The following CSN3 variants were observed in gnomAD, a reference collection of about 807,000 sequenced individuals.
The protein encoded by CSN3 is casein kappa, also known as kappa-casein.
A neutral mutation model predicts 9.9 loss-of-function variants in CSN3; 7 were observed. That is an observed-to-expected ratio of 0.71 (90% CI 0.40 to 1.33). The LOEUF (loss-of-function observed/expected upper bound fraction) is 1.33, where lower values mean the gene tolerates loss of function less well. Among genes scored for constraint, CSN3 ranks in the 40% most tolerant of loss-of-function variants. The pLI is 0.01. For synonymous variants in CSN3, 88 were observed against 82.3 expected (o/e 1.07, Z -0.37); for missense variants, 253 against 227.9 (o/e 1.11, Z -0.71).
At chr4:70,243,283 C>T (rs1250212694) in intron 1 of CSN3, 2 of 333,038 alleles carry the variant, frequency 6.0e-6, no homozygotes, top group East Asian at 1.7e-4. Context: ...TATCATTTTA[C>T]TGTGTGAACT....
At chr4:70,244,687 C>T (rs1182494429) in intron 1 of CSN3, 125 bp from the exon 2 acceptor site, 2 of 427,306 alleles carry the variant, frequency 4.7e-6, no homozygotes, top group Non-Finnish European at 7.8e-6. Context: ...AAATTTTTCA[C>T]ATCGGCTAAA....
intron 2 of CSN3, among the ~76,000 whole-genome samples, chr4:70,247,368 G>A (rs1410102450): frequency 6.6e-6 from 1 of 152,046 alleles, no homozygotes; most frequent in Admixed American, 6.6e-5. Flanking sequence ...TTATGCAAGA[G>A]GCAATATTTT....
chr4:70,240,715 G>A (rs540970920), upstream of CSN3, among the ~76,000 whole-genome samples: 5 of 152,116 alleles, frequency 3.3e-5, no homozygotes, highest in South Asian at 1.0e-3. Context: ...CAGTACTCAA[G>A]TAAATTTTAG....
intron 3 of CSN3, among the ~76,000 whole-genome samples, chr4:70,248,443 C>T (rs1730421040): frequency 6.6e-6 from 1 of 151,948 alleles, no homozygotes; most frequent in Admixed American, 6.6e-5. Flanking sequence ...AAAAAAAATC[C>T]AAAATCTAAA....
At chr4:70,240,195 AAG>A (rs1730243941), upstream of CSN3, among the ~76,000 whole-genome samples, 1 of 152,046 alleles carries the variant, frequency 6.6e-6, no homozygotes, top group African/African-American at 2.4e-5. Flanking sequence ...TTACTAAAAA[AAG>A]AGTGTATATG....
At chr4:70,246,335 C>A (rs1434798268) in intron 2 of CSN3, among the ~76,000 whole-genome samples, 2 of 152,058 alleles carry the variant, frequency 1.3e-5, no homozygotes, top group Non-Finnish European at 2.9e-5. Flanking sequence ...TGTGAAAAAT[C>A]ATTTTAAGGT....
At chr4:70,243,606 C>T (rs1222293727) in intron 1 of CSN3, among the ~76,000 whole-genome samples, 2 of 152,002 alleles carry the variant, frequency 1.3e-5, no homozygotes, top group Non-Finnish European at 2.9e-5. Flanking sequence ...CGAAGTTCAA[C>T]TTTGTAGTGA....
At chr4:70,240,962 A>T (rs1842479), upstream of CSN3, among the ~76,000 whole-genome samples, 100,177 of 151,692 alleles carry the variant, frequency 0.66, 33,608 homozygotes, top group African/African-American at 0.77. Flanking sequence ...GTGGGAGAAA[A>T]GATTACTAGC....
chr4:70,240,113 A>G (rs185107690), upstream of CSN3, among the ~76,000 whole-genome samples: 306 of 152,108 alleles, frequency 2.0e-3, no homozygotes, highest in Non-Finnish European at 2.7e-3. Flanking sequence ...TGTAAATACC[A>G]TCAAGGGAAG....
chr4:70,244,248 C>T (rs1265819467), intron 1 of CSN3, among the ~76,000 whole-genome samples: 2 of 152,066 alleles, frequency 1.3e-5, no homozygotes, highest in Non-Finnish European at 2.9e-5. Flanking sequence ...CTGCTCTAAA[C>T]TTTCCTTCCA....
At chr4:70,243,994 T>C (rs983460155) in intron 1 of CSN3, among the ~76,000 whole-genome samples, 2 of 152,066 alleles carry the variant, frequency 1.3e-5, no homozygotes, top group Admixed American at 1.3e-4. Context: ...CATGGAATTA[T>C]AGAATTTTAG....
At chr4:70,247,927 T>A in intron 3 of CSN3, 77 bp downstream of exon 3, 1 of 1,052,558 alleles carries the variant, frequency 9.5e-7, no homozygotes. Flanking sequence ...GTATTATAGA[T>A]GCCTTCTGTC....
At chr4:70,240,272 T>C (rs1730247497), upstream of CSN3, among the ~76,000 whole-genome samples, 1 of 151,956 alleles carries the variant, frequency 6.6e-6, no homozygotes, top group South Asian at 2.1e-4. Flanking sequence ...AATGTGAACT[T>C]ATGTACCCAC....
upstream of CSN3, among the ~76,000 whole-genome samples, chr4:70,238,769 T>C (rs1019166548): frequency 2.0e-5 from 3 of 151,760 alleles, no homozygotes; most frequent in African/African-American, 4.8e-5. Context: ...GAATTAATAA[T>C]TCTTCTAACA....
exon 4 of CSN3, chr4:70,249,232 G>A: frequency 1.2e-6 from 2 of 1,614,032 alleles, no homozygotes; most frequent in Non-Finnish European, 1.7e-6. Context: ...ACCCACTGTG[G>A]TACGTCGCCC....
At chr4:70,244,917 AT>A (rs1256853068) in intron 2 of CSN3, 44 bp downstream of exon 2, 1 of 1,291,806 alleles carries the variant, frequency 7.7e-7, no homozygotes, top group Non-Finnish European at 1.1e-6. Context: ...CTTTAAGAAA[AT>A]TTTGTTTAAG....
chr4:70,242,772 A>G (rs1730298469), intron 1 of CSN3, 107 bp downstream of exon 1: 1 of 152,062 alleles, frequency 6.6e-6, no homozygotes, highest in Non-Finnish European at 1.5e-5. Flanking sequence ...AGTTATTGTT[A>G]AGTTTGAATA....
At chr4:70,249,053 T>C in exon 4 of CSN3, 1 of 1,613,544 alleles carries the variant, frequency 6.2e-7, no homozygotes, top group Non-Finnish European at 8.5e-7. Context: ...TATGTCCCAA[T>C]GTATTATGTG....
intron 3 of CSN3, 36 bp downstream of exon 3, chr4:70,247,886 A>T: frequency 6.5e-7 from 1 of 1,548,354 alleles, no homozygotes; most frequent in Non-Finnish European, 8.8e-7. Context: ...TACAGGCATG[A>T]ACTACAAAAT....
Sources: gnomAD v4.1 joint callset for allele counts (sites outside exome capture counted in the v4.1 genomes callset) on GRCh38, gnomAD v4.1.1 for gene constraint, MANE v1.5 for transcripts, NCBI Gene and HGNC (gene_info 2026-07-23, HGNC 2026-07-21) for gene names.